The following JMJD1C variants were observed in gnomAD, a reference collection of about 807,000 sequenced individuals.
JMJD1C encodes jumonji domain containing 1C, also known as jumonji domain-containing protein 1C.
Under a neutral mutation model 245.3 loss-of-function variants are expected in JMJD1C, and 31 were observed. That is an observed-to-expected ratio of 0.13 (90% CI 0.09 to 0.17). The LOEUF is 0.17. JMJD1C is among the 10% of genes least tolerant of loss of function. The pLI, the probability that JMJD1C is intolerant of heterozygous loss-of-function variation, is 1.00. For missense variants in JMJD1C, 2,691 were observed against 3,000.2 expected, an observed-to-expected ratio of 0.90 and a Z score of 2.41; for synonymous variants, 1,057 against 1,017.4, an observed-to-expected ratio of 1.04 and a Z score of -0.74.
intron 2 of JMJD1C, among the ~76,000 whole-genome samples, chr10:63,318,990 C>T (rs1041012809): frequency 6.6e-6 from 1 of 151,990 alleles, no homozygotes; most frequent in African/African-American, 2.4e-5. Flanking sequence ...AGGTTCTCTT[C>T]AAACCTTAAA....
At chr10:63,338,314 T>C (rs956943303) in intron 2 of JMJD1C, among the ~76,000 whole-genome samples, 1 of 151,898 alleles carries the variant, frequency 6.6e-6, no homozygotes. Flanking sequence ...TAAAAAATTC[T>C]TATAAGATGG....
chr10:63,396,170 T>A (rs1205768631), intron 1 of JMJD1C, among the ~76,000 whole-genome samples: 1 of 151,980 alleles, frequency 6.6e-6, no homozygotes. Flanking sequence ...GCCACTCCCT[T>A]CTCCCAAAGG....
intron 2 of JMJD1C, among the ~76,000 whole-genome samples, chr10:63,314,956 GT>G (rs71025156): frequency 2.1e-4 from 28 of 133,452 alleles, no homozygotes; most frequent in Admixed American, 5.5e-4. Context: ...AGCCTTTTTT[GT>G]TTTTTTTTTT....
intron 1 of JMJD1C, among the ~76,000 whole-genome samples, chr10:63,509,393 A>C (rs1954810094): frequency 6.6e-6 from 1 of 152,188 alleles, no homozygotes; most frequent in Non-Finnish European, 1.5e-5. Context: ...TTTTCTTGCA[A>C]TATGTGTTTT....
chr10:63,218,356 C>G (rs1848223564), intron 4 of JMJD1C, among the ~76,000 whole-genome samples: 2 of 151,970 alleles, frequency 1.3e-5, no homozygotes, highest in African/African-American at 2.4e-5. Context: ...TCCATATGAC[C>G]TGTAAATTAA....
chr10:63,169,904 C>T (rs952195376), intron 24 of JMJD1C, among the ~76,000 whole-genome samples: 2 of 152,166 alleles, frequency 1.3e-5, no homozygotes, highest in Admixed American at 6.5e-5. Flanking sequence ...GGCAAGTCAA[C>T]AGGAGCCCAA....
At chr10:63,450,921 G>C (rs200633126) in intron 1 of JMJD1C, among the ~76,000 whole-genome samples, 4 of 137,512 alleles carry the variant, frequency 2.9e-5, no homozygotes, top group African/African-American at 1.1e-4. Context: ...CACACACACA[G>C]AAAAAAAAAA....
intron 3 of JMJD1C, among the ~76,000 whole-genome samples, chr10:63,261,571 AAAGAAG>A (rs572370264): frequency 6.6e-6 from 1 of 152,204 alleles, no homozygotes; most frequent in Admixed American, 6.5e-5. Flanking sequence ...ACAGAAAAAA[AAAGAAG>A]AAGAAGAAAA....
intron 3 of JMJD1C, chr10:63,222,646 T>G (rs550917681): frequency 2.6e-6 from 4 of 1,552,402 alleles, no homozygotes; most frequent in East Asian, 2.2e-5. Flanking sequence ...TTAAAAGAAA[T>G]AGAGATCGGT....
intron 1 of JMJD1C, among the ~76,000 whole-genome samples, chr10:63,476,640 G>C (rs945256827): frequency 7.9e-5 from 12 of 152,082 alleles, no homozygotes; most frequent in Admixed American, 7.9e-4. Flanking sequence ...GAGGCAAGAG[G>C]ATTGCTTATG....
intron 2 of JMJD1C, among the ~76,000 whole-genome samples, chr10:63,346,934 T>C (rs1407517807): frequency 6.6e-6 from 1 of 152,110 alleles, no homozygotes; most frequent in Non-Finnish European, 1.5e-5. Flanking sequence ...GTCCTAAAAT[T>C]TCAGGACTTA....
chr10:63,403,403 T>C (rs1436184742), intron 1 of JMJD1C, among the ~76,000 whole-genome samples: 1 of 152,170 alleles, frequency 6.6e-6, no homozygotes, highest in Non-Finnish European at 1.5e-5. Context: ...TCAAGTTACA[T>C]AGGTAATACC....
At chr10:63,336,919 C>T (rs1405038688) in intron 2 of JMJD1C, among the ~76,000 whole-genome samples, 2 of 152,064 alleles carry the variant, frequency 1.3e-5, no homozygotes, top group Non-Finnish European at 2.9e-5. Context: ...TGGCTCACTG[C>T]AACCTCCGCC....
intron 8 of JMJD1C, 87 bp downstream of exon 8, chr10:63,213,386 A>G (rs758571848): frequency 3.0e-5 from 24 of 811,502 alleles, no homozygotes; most frequent in Non-Finnish European, 4.7e-5. Flanking sequence ...ATAGGAAATG[A>G]CCTAAAAAAT....
rs761548168 is a variant in JMJD1C at position 63,207,261 on chromosome 10, T to G, written c.4408A>C (p.Ser1470Arg). 2 of 1,614,046 alleles carry G rather than the reference T, an allele frequency of 1.2e-6. No individual in the cohort carries two copies. The highest frequency in any genetic ancestry group is 2.2e-5 in the South Asian group (2 of 91,090). The stretch of plus-strand genomic sequence containing the variant: ...TCAGTTGTGCCTGAGAACCCAGAAC[T>G]GGGTTGAACAACACTTCCTGTCTTA... The part of the protein sequence containing the change: ...SSKTGSVVQP[S>R]SGFSGTTDFI... The change falls in exon 10 of 26, where the codon AGT becomes CGT. Residue 1470 changes from serine to arginine, a missense_variant. Around this residue, in one of 9 missense-constraint regions of JMJD1C, gnomAD observed 1,562 missense variants for 1,490.7 expected, o/e 1.05. Coordinates refer to ENST00000399262, the MANE Select transcript of JMJD1C (RefSeq NM_032776.3).
intron 1 of JMJD1C, among the ~76,000 whole-genome samples, chr10:63,395,347 G>A (rs1004333736): frequency 4.6e-5 from 7 of 152,042 alleles, no homozygotes; most frequent in Admixed American, 1.3e-4. Context: ...GTGTGGTGGC[G>A]GATGCCTGTA....
intron 1 of JMJD1C, among the ~76,000 whole-genome samples, chr10:63,437,244 G>A (rs993461663): frequency 4.6e-5 from 7 of 152,150 alleles, no homozygotes; most frequent in African/African-American, 1.7e-4. Flanking sequence ...TGTCAAGTCA[G>A]TCCTTGCTGT....
At chr10:63,431,843 C>G (rs1452621504) in intron 1 of JMJD1C, among the ~76,000 whole-genome samples, 1 of 152,160 alleles carries the variant, frequency 6.6e-6, no homozygotes, top group Non-Finnish European at 1.5e-5. Flanking sequence ...GAAACCCCAT[C>G]TCTACTAAAA....
At position 63,359,371 on chromosome 10, in the gene JMJD1C, CCTA is replaced by C. The variant is rs1186560533; in HGVS notation, c.333+20944_333+20946del. ...TCTGGACGTTTTACAGAGAATTTAT[CCTA>C]CTAACTTTCATTTTCTTAAAACACA... On this transcript the variant is annotated intron_variant, in intron 2 of 25. Transcript: ENST00000399262. Among the ~76,000 whole-genome samples, 6 of 152,202 alleles carry C rather than the reference CCTA, an allele frequency of 3.9e-5. No individual in the cohort carries two copies. In the South Asian group the frequency reaches 6.2e-4, roughly 16 times the overall value.
Sources: allele counts gnomAD v4.1 joint callset (sites outside exome capture counted in the v4.1 genomes callset), GRCh38; gene constraint gnomAD v4.1.1; regional missense constraint gnomAD v4.1.1; transcripts MANE v1.5; gene names NCBI Gene and HGNC (gene_info 2026-07-23, HGNC 2026-07-21).